The following DNMT3A variants were observed in gnomAD, a reference collection of about 807,000 sequenced individuals.
DNMT3A encodes DNA (cytosine-5)-methyltransferase 3A.
DNMT3A carries 267 observed loss-of-function variants against 117.6 expected under a neutral mutation model. The ratio of observed to expected loss-of-function variants is 2.27; its 90% confidence interval spans 2.05 to 2.51. The LOEUF (loss-of-function observed/expected upper bound fraction) is 2.51. Ranked by LOEUF, DNMT3A falls within the 30% of genes most tolerant of loss-of-function variation. DNMT3A has a pLI of 0.00. For synonymous variants in DNMT3A, 432 were observed against 474.8 expected, an observed-to-expected ratio of 0.91 and a Z score of 1.17; for missense variants, 1,029 against 1,260.2, an observed-to-expected ratio of 0.82 and a Z score of 2.78.
intron 6 of DNMT3A, among the ~76,000 whole-genome samples, chr2:25,273,535 CCT>C (rs2031126601): frequency 6.6e-6 from 1 of 152,148 alleles, no homozygotes; most frequent in Admixed American, 6.5e-5. Context: ...GTGGCAGTTT[CCT>C]CTCTTTTCCT....
chr2:25,286,580 C>A lies in DNMT3A; in HGVS notation c.178-3869G>T, dbSNP rs2149385714. Among the ~76,000 whole-genome samples, 1 of 152,354 alleles carries A rather than the reference C, an allele frequency of 6.6e-6. No individual in the cohort carries two copies. Among genetic ancestry groups the A allele is most frequent in the South Asian group, 2.1e-4 (1 of 4,822 alleles). On this transcript the variant is annotated intron_variant, in intron 3 of 22. Coordinates refer to ENST00000321117, the MANE Select transcript of DNMT3A (RefSeq NM_022552.5). The surrounding 1 kb of genome is among the most constrained non-coding windows in gnomAD (Gnocchi z 4.3). ...GGGCAATGACTTCTGCCACGCTCAA[C>A]CCTTGATTCATCCTACCCATCAAGA...
intron 2 of DNMT3A, 85 bp from the exon 3 acceptor site, chr2:25,300,328 TC>T: frequency 4.8e-6 from 7 of 1,459,232 alleles, no homozygotes; most frequent in Non-Finnish European, 6.4e-6. Flanking sequence ...GGCCCTGGCT[TC>T]CCTTCCAGCC....
intron 6 of DNMT3A, among the ~76,000 whole-genome samples, chr2:25,263,226 CT>C (rs1328766678): frequency 3.9e-5 from 6 of 152,176 alleles, no homozygotes; most frequent in Non-Finnish European, 8.8e-5. Context: ...CACCCAGCCT[CT>C]TTTGCACTTA....
At chr2:25,291,963 C>A (rs1046210300) in intron 3 of DNMT3A, among the ~76,000 whole-genome samples, 5 of 152,178 alleles carry the variant, frequency 3.3e-5, no homozygotes, top group Non-Finnish European at 5.9e-5. Context: ...CTTTAAAAAG[C>A]CATTATGCTG....
intron 1 of DNMT3A, among the ~76,000 whole-genome samples, chr2:25,331,817 C>G (rs1340693462): frequency 6.6e-6 from 1 of 152,090 alleles, no homozygotes; most frequent in Non-Finnish European, 1.5e-5. Flanking sequence ...GGCTCAGCCT[C>G]CCCCTGGGGA....
intron 16 of DNMT3A, among the ~76,000 whole-genome samples, chr2:25,242,922 TA>T (rs1490025684): frequency 1.4e-5 from 2 of 139,986 alleles, no homozygotes; most frequent in Non-Finnish European, 3.1e-5. Flanking sequence ...ATAATAATAA[TA>T]AAAAAAATAG....
In DNMT3A at chr2:25,231,249, C is replaced by T. The variant is rs1672875459; in HGVS notation, c.*3030G>A. On this transcript the variant is annotated 3_prime_UTR_variant, in exon 23 of 23. Transcript: ENST00000321117. The stretch of plus-strand genomic sequence containing the variant: ...GACTCCAGGCCCGAAGGACAGAGCC[C>T]CGCGGGAGCAAGGAGGAGCTGGGTG... The T allele has an allele frequency of 6.6e-6, 1 of 152,314 alleles. No individual in the cohort carries two copies. The highest frequency in any genetic ancestry group is 2.4e-5 in the African/African-American group (1 of 41,440). The allele number at this position is 152,314 out of a possible 1,614,324, so 9.4% of individuals were successfully genotyped here. A position where few individuals can be genotyped will look rare whatever the true frequency, so the allele number is the denominator to read the frequency against.
intron 6 of DNMT3A, among the ~76,000 whole-genome samples, chr2:25,269,149 C>T (rs907316996): frequency 3.9e-4 from 59 of 152,288 alleles, no homozygotes; most frequent in African/African-American, 1.3e-3. Context: ...TAGCAAAACC[C>T]CATCTCTACT....
chr2:25,335,467 A>C (rs943121128), intron 1 of DNMT3A, among the ~76,000 whole-genome samples: 2 of 152,204 alleles, frequency 1.3e-5, no homozygotes, highest in African/African-American at 4.8e-5. Context: ...GCCGTTCCCA[A>C]GTATTCCCCA....
At position 25,252,137 on chromosome 2, in the gene DNMT3A, A is replaced by G; in HGVS notation, c.640-3885T>C. The G allele has an allele frequency of 6.5e-7, 1 of 1,539,772 alleles. No homozygotes were observed. Among genetic ancestry groups the G allele is most frequent in the Non-Finnish European group, 8.8e-7 (1 of 1,142,500 alleles). On this transcript the variant is annotated intron_variant, in intron 6 of 22. Coordinates refer to ENST00000321117, the MANE Select transcript of DNMT3A (RefSeq NM_022552.5). The surrounding 1 kb of genome is among the most constrained non-coding windows in gnomAD (Gnocchi z 5.5). ...CCCGGAGGGCTGCGGAGATCCTCCC[A>G]CCGGCCCTGCCGCCTCCCCGCCCCC...
At chr2:25,289,000 T>C (rs2032540562) in intron 3 of DNMT3A, among the ~76,000 whole-genome samples, 1 of 152,206 alleles carries the variant, frequency 6.6e-6, no homozygotes, top group Non-Finnish European at 1.5e-5. Flanking sequence ...GCCACGTTTG[T>C]TTACAAAGCC....
At chr2:25,331,533 G>A (rs1047091563) in intron 1 of DNMT3A, among the ~76,000 whole-genome samples, 10 of 152,194 alleles carry the variant, frequency 6.6e-5, no homozygotes, top group Admixed American at 1.3e-4. Context: ...ATTCTCAGAC[G>A]GTGATGATGC....
At chr2:25,291,717 C>A (rs1025300970) in intron 3 of DNMT3A, among the ~76,000 whole-genome samples, 8 of 152,256 alleles carry the variant, frequency 5.3e-5, no homozygotes, top group African/African-American at 1.4e-4. Flanking sequence ...GATCTCTCCA[C>A]CCGTGTGTCT....
At position 25,235,827 on chromosome 2, in the gene DNMT3A, T is replaced by G; in HGVS notation, c.2479-2A>C. The G allele has an allele frequency of 6.2e-7, 1 of 1,611,990 alleles. No homozygotes were observed. Among genetic ancestry groups the G allele is most frequent in the Non-Finnish European group, 8.5e-7 (1 of 1,178,144 alleles). On this transcript the variant is annotated splice_acceptor_variant, in intron 21 of 22. Coordinates refer to ENST00000321117, the MANE Select transcript of DNMT3A (RefSeq NM_022552.5). LOFTEE classifies it high-confidence loss of function. The stretch of plus-strand genomic sequence containing the variant: ...AGTAATGGTCCTCACTTTGCTGAAC[T>G]AGATGAAGAGGAGAAAAGAGGAATA...
At chr2:25,308,997 A>G (rs1033052042) in intron 2 of DNMT3A, among the ~76,000 whole-genome samples, 11 of 151,850 alleles carry the variant, frequency 7.2e-5, no homozygotes, top group Admixed American at 1.3e-4. Flanking sequence ...ACACACACAC[A>G]CACGCACGCA....
At chr2:25,307,459 C>CTTTTTTTTTTTTT (rs35144977) in intron 2 of DNMT3A, among the ~76,000 whole-genome samples, 1 of 79,104 alleles carries the variant, frequency 1.3e-5, no homozygotes, top group Non-Finnish European at 2.5e-5. Context: ...CACACCGCAG[C>CTTTTTTTTTTTTT]TTTTTTTTTT....
chr2:25,241,734 T>TA, intron 16 of DNMT3A, 27 bp from the exon 17 acceptor site: 1 of 1,610,722 alleles, frequency 6.2e-7, no homozygotes, highest in Non-Finnish European at 8.5e-7. Flanking sequence ...ACAGCACCGT[T>TA]ACTTGGAGCC....
Position 25,282,680 on chromosome 2 carries a change from G to T in DNMT3A, c.209C>A (p.Ala70Glu). 1 of 1,560,940 alleles carries T rather than the reference G, an allele frequency of 6.4e-7. No homozygotes were observed. ...VESGDTPKDPAVISKSPSMAQ... is the reference protein window; with the variant it reads ...VESGDTPKDPEVISKSPSMAQ... Reference sequence around the variant, plus strand: ...CATGGATGGGGACTTGGAGATCACCGCAGGGTCCTTTGGCGTGTCACCGCT... The same window carrying T: ...CATGGATGGGGACTTGGAGATCACCTCAGGGTCCTTTGGCGTGTCACCGCT... The change falls in exon 4 of 23, where the codon GCG (alanine) becomes GAG (glutamate). Residue 70 changes from alanine (A) to glutamate (E), a missense_variant. By Grantham distance (107) the Ala-to-Glu change is moderately radical (BLOSUM62 -1). Transcript: ENST00000321117. The surrounding 1 kb of genome is among the most constrained non-coding windows in gnomAD (Gnocchi z 5.2).
chr2:25,317,797 G>A (rs1383049574), intron 1 of DNMT3A, among the ~76,000 whole-genome samples: 2 of 151,988 alleles, frequency 1.3e-5, no homozygotes, highest in South Asian at 2.1e-4. Context: ...GTGCAATGCC[G>A]CGATCTCGGC....
Sources: gnomAD v4.1 joint callset for allele counts (sites outside exome capture counted in the v4.1 genomes callset) on GRCh38, gnomAD v4.1.1 for gene constraint, Gnocchi (gnomAD v3.1) non-coding constraint, MANE v1.5 for transcripts, NCBI Gene and HGNC (gene_info 2026-07-23, HGNC 2026-07-21) for gene names.